ZP3: variants seen among roughly 807,000 people sequenced by gnomAD.
The protein encoded by ZP3 is zona pellucida sperm-binding protein 3.
Under a neutral mutation model 35.6 loss-of-function variants are expected in ZP3, and 21 were observed. The ratio of observed to expected loss-of-function variants is 0.59; its 90% CI spans 0.42 to 0.85. The LOEUF (loss-of-function observed/expected upper bound fraction) is 0.85, where lower values mean the gene tolerates loss of function less well. Ranked by LOEUF, ZP3 falls within the 40% of genes least tolerant of loss-of-function variation. The probability of loss-of-function intolerance (pLI) is 0.00; values close to 1 mark genes in which losing one functional copy is unlikely to be tolerated. For missense variants in ZP3, 437 were observed against 536.5 expected, an observed-to-expected ratio of 0.81 and a Z score of 1.83; for synonymous variants, 207 against 214.5, an observed-to-expected ratio of 0.96 and a Z score of 0.31.
chr7:76,436,838 G>A (rs1192427621), intron 5 of ZP3, among the ~76,000 whole-genome samples: 61 of 152,348 alleles, frequency 4.0e-4, no homozygotes, highest in South Asian at 8.3e-4. Context: ...AGGTGGTAGC[G>A]GTCAGCATGG....
At chr7:76,413,605 CT>C (rs76353353) in intron 1 of ZP3, among the ~76,000 whole-genome samples, 46,701 of 107,808 alleles carry the variant, frequency 0.43, 7,723 homozygotes, top group African/African-American at 0.58. Flanking sequence ...CAAAATAAAA[CT>C]TTTTTTTAAA....
chr7:76,430,078 C>T (rs1343477404), intron 2 of ZP3, among the ~76,000 whole-genome samples: 5 of 151,808 alleles, frequency 3.3e-5, no homozygotes, highest in Admixed American at 6.6e-5. Context: ...AGAAATTAGC[C>T]GGGTGTCTAT....
At position 76,433,049 on chromosome 7, in the gene ZP3, G is replaced by T; in HGVS notation, c.535+19G>T. 3 of 1,590,010 alleles carry T rather than the reference G, an allele frequency of 1.9e-6. No homozygotes were observed. Among genetic ancestry groups the T allele is most frequent in the Non-Finnish European group, 2.6e-6 (3 of 1,164,816 alleles). ...ATGGAGGGTAAGAGAAGAAGGCTGG[G>T]TGGGACATCTGTGGAAAGACCTGGG... On this transcript the variant is annotated intron_variant, in intron 3 of 7. Transcript: ENST00000394857.
intron 7 of ZP3, 113 bp from the exon 8 acceptor site, chr7:76,441,729 C>T: frequency 1.7e-6 from 2 of 1,161,502 alleles, no homozygotes; most frequent in South Asian, 2.5e-5. Flanking sequence ...GTTTATTAGC[C>T]CACACAAAAA....
intron 1 of ZP3, among the ~76,000 whole-genome samples, chr7:76,399,339 C>T (rs147256288): frequency 4.0e-4 from 61 of 152,176 alleles, no homozygotes; most frequent in Non-Finnish European, 7.5e-4. Flanking sequence ...AAGCAGTTCA[C>T]CTCCCTTGGG....
intron 1 of ZP3, among the ~76,000 whole-genome samples, chr7:76,414,448 A>G (rs1490461399): frequency 6.6e-6 from 1 of 151,944 alleles, no homozygotes; most frequent in Admixed American, 6.6e-5. Flanking sequence ...TTCCTCCTCA[A>G]AGACCCTTTG....
chr7:76,412,500 A>C (rs1173088159), intron 1 of ZP3, among the ~76,000 whole-genome samples: 3 of 152,204 alleles, frequency 2.0e-5, no homozygotes, highest in Non-Finnish European at 2.9e-5. Context: ...TAACAGAACT[A>C]TACACACACC....
At chr7:76,435,513 G>A (rs1805966801) in intron 5 of ZP3, among the ~76,000 whole-genome samples, 1 of 152,216 alleles carries the variant, frequency 6.6e-6, no homozygotes, top group Non-Finnish European at 1.5e-5. Flanking sequence ...GCTTAGAATA[G>A]GTGGTTAGGA....
chr7:76,426,787 T>G (rs1323528773), intron 1 of ZP3, among the ~76,000 whole-genome samples: 5 of 151,552 alleles, frequency 3.3e-5, no homozygotes, highest in Non-Finnish European at 5.9e-5. Flanking sequence ...CCCAGCACTT[T>G]GGGAGGCTGA....
rs966876513 is a variant in ZP3 at position 76,417,123 on chromosome 7, T to C, written c.-66-7929T>C. On this transcript the variant is annotated intron_variant, in intron 1 of 8. Coordinates refer to the ZP3 transcript ENST00000336517. The stretch of plus-strand genomic sequence containing the variant: ...CCCAGGCTGGAGTGTAATGGTGCGA[T>C]CTCGGCTCACCCCAACCTCCGCCTC... Among the ~76,000 whole-genome samples, 62 of 151,958 alleles carry C rather than the reference T, an allele frequency of 4.1e-4. 1 individual carries two copies. The highest frequency in any genetic ancestry group is 3.0e-3 in the Admixed American group (45 of 15,194).
At chr7:76,420,128 CTCCCCTTCCTCT>C (rs1805471755), upstream of ZP3, among the ~76,000 whole-genome samples, 1 of 151,326 alleles carries the variant, frequency 6.6e-6, no homozygotes, top group Admixed American at 6.6e-5. Context: ...CCTCCCCCTC[CTCCCCTTCCTCT>C]TCCCCTTCCT....
chr7:76,433,009 TTC>T lies in ZP3; in HGVS notation c.520_521del (p.Leu174AlafsTer10). ...TTVFSEEKLT[F>X]SLRLMEENWN... ...GGTGTTCTCAGAGGAGAAGCTGACT[TTC>T]TCTCTGCGTCTGATGGAGGGTAAGA... On this transcript the variant is annotated frameshift_variant, in exon 3 of 8. Transcript: ENST00000394857. LOFTEE classifies it high-confidence loss of function. 2 of 1,614,094 alleles carry T rather than the reference TTC, an allele frequency of 1.2e-6. No individual in the cohort carries two copies. The highest frequency in any genetic ancestry group is 1.7e-6 in the Non-Finnish European group (2 of 1,180,012).
chr7:76,438,589 A>T (rs1806100741), intron 5 of ZP3, among the ~76,000 whole-genome samples: 1 of 146,924 alleles, frequency 6.8e-6, no homozygotes, highest in South Asian at 2.1e-4. Flanking sequence ...AGGGTAGTTG[A>T]CTATTCCCTG....
chr7:76,436,833 G>A (rs1462469157), intron 5 of ZP3, among the ~76,000 whole-genome samples: 1 of 152,270 alleles, frequency 6.6e-6, no homozygotes, highest in Non-Finnish European at 1.5e-5. Flanking sequence ...CACAGAGGTG[G>A]TAGCGGTCAG....
chr7:76,438,977 CAA>C, intron 5 of ZP3, among the ~76,000 whole-genome samples: 1 of 113,496 alleles, frequency 8.8e-6, no homozygotes, highest in East Asian at 2.4e-4. Flanking sequence ...ACTAAAAATA[CAA>C]AAAAATTAGC....
intron 1 of ZP3, among the ~76,000 whole-genome samples, chr7:76,399,569 C>G (rs767919174): frequency 9.9e-5 from 15 of 152,036 alleles, no homozygotes; most frequent in Admixed American, 3.9e-4. Context: ...GGATCTTGCT[C>G]TGTCACCCAG....
intron 1 of ZP3, among the ~76,000 whole-genome samples, chr7:76,416,973 T>TATATATATATATATATATAA (rs568367143): frequency 4.2e-5 from 2 of 47,156 alleles, no homozygotes; most frequent in African/African-American, 1.8e-4. Context: ...TATATATATA[T>TATATATATATATATATATAA]AATTTGGCAT....
intron 5 of ZP3, among the ~76,000 whole-genome samples, chr7:76,437,663 T>A (rs1806063539): frequency 2.9e-5 from 2 of 70,070 alleles, no homozygotes; most frequent in Non-Finnish European, 6.7e-5. Flanking sequence ...ATTTCTGTAT[T>A]TTTTTTTTTT....
At chr7:76,441,786 C>A in intron 7 of ZP3, 56 bp from the exon 8 acceptor site, 1 of 1,612,370 alleles carries the variant, frequency 6.2e-7, no homozygotes, top group Non-Finnish European at 8.5e-7. Flanking sequence ...AAACCTCCAA[C>A]CCAGTTCCCG....
Sources: allele counts gnomAD v4.1 joint callset (sites outside exome capture counted in the v4.1 genomes callset), GRCh38; gene constraint gnomAD v4.1.1; transcripts MANE v1.5; gene names NCBI Gene and HGNC (gene_info 2026-07-23, HGNC 2026-07-21).